The following ZNF697 variants were observed in gnomAD, a reference collection of about 807,000 sequenced individuals.
ZNF697 encodes zinc finger protein 697.
In ZNF697, 23 loss-of-function variants were observed where a neutral mutation model predicts 32.4. The observed-to-expected ratio is 0.71, with a 90% confidence interval of 0.51 to 1.01. The LOEUF (loss-of-function observed/expected upper bound fraction) is 1.01. Among genes scored for constraint, ZNF697 ranks in the 50% least tolerant of loss-of-function variants. The pLI is 0.00. For missense variants in ZNF697, 930 were observed against 794.0 expected (o/e 1.17, Z -2.06); for synonymous variants, 418 against 337.2 (o/e 1.24, Z -2.62).
intron 1 of ZNF697, among the ~76,000 whole-genome samples, chr1:119,634,253 C>T (rs1208495350): frequency 1.3e-5 from 2 of 152,200 alleles, no homozygotes; most frequent in African/African-American, 4.8e-5. Context: ...GGACTTGAGG[C>T]ACACATTCAA....
Position 119,622,865 on chromosome 1 carries a change from T to C in ZNF697, c.1478A>G (p.Tyr493Cys). 1 of 1,610,440 alleles carries C rather than the reference T, an allele frequency of 6.2e-7. No individual in the cohort carries two copies. The highest frequency in any genetic ancestry group is 8.5e-7 in the Non-Finnish European group (1 of 1,178,236). ...HQRTHTGEKP[Y>C]TCIECGKSFI... ...GCTCTTGCCGCACTCGATGCACGTG[T>C]AGGGCTTCTCGCCCGTGTGCGTGCG... The change falls in exon 3 of 3, where the codon TAC (tyrosine) becomes TGC (cysteine). Residue 493 changes from tyrosine to cysteine, a missense_variant. By Grantham distance (194) the Tyr-to-Cys change is radical (BLOSUM62 -2). Transcript: ENST00000421812.
At chr1:119,640,105 A>G (rs1211579721) in intron 1 of ZNF697, among the ~76,000 whole-genome samples, 1 of 152,172 alleles carries the variant, frequency 6.6e-6, no homozygotes, top group African/African-American at 2.4e-5. Flanking sequence ...TTTTAAATAG[A>G]ATCATACTTA....
At chr1:119,630,818 A>AC (rs796470272) in intron 1 of ZNF697, among the ~76,000 whole-genome samples, 36 of 151,742 alleles carry the variant, frequency 2.4e-4, no homozygotes, top group African/African-American at 8.2e-4. Context: ...GCCAAGACTG[A>AC]CCCCACCTTC....
At chr1:119,643,751 C>T (rs1252047989) in intron 1 of ZNF697, among the ~76,000 whole-genome samples, 1 of 152,168 alleles carries the variant, frequency 6.6e-6, no homozygotes, top group Non-Finnish European at 1.5e-5. Context: ...CAATGCCCCA[C>T]CCCACTACCC....
In ZNF697 at chr1:119,648,206, C is replaced by CTGGT. The variant is rs1285773781; in HGVS notation, c.-554_-553insACCA. Reference sequence around the variant, plus strand: ...GGTGGCCCGCTGGCTGGCTGGTTGGCTGGCTGGCTGGCTGGCTGGCTGGCT... The same window carrying CTGGT: ...GGTGGCCCGCTGGCTGGCTGGTTGGCTGGTTGGCTGGCTGGCTGGCTGGCTGGCT... On this transcript the variant is annotated 5_prime_UTR_variant, in exon 1 of 3. Transcript: ENST00000421812. 3.1e-5 allele frequency among the ~76,000 whole-genome samples: 3 copies of CTGGT among 96,528 alleles called. No homozygotes were observed. The highest frequency in any genetic ancestry group is 4.3e-5 in the Non-Finnish European group (2 of 46,702). 63.3% of individuals were successfully genotyped at this position (96,528 alleles called of 152,430 possible).
rs1649262185 is a variant in ZNF697, at chr1:119,647,993, C to T, written c.-340G>A. On this transcript the variant is annotated 5_prime_UTR_variant, in exon 1 of 3. Transcript: ENST00000421812. Reference sequence around the variant, plus strand: ...CACCGCACTCGAACACACACCCCATCCCCGCAGCGGTCGGGTCTGGTCCCG... The same window carrying T: ...CACCGCACTCGAACACACACCCCATTCCCGCAGCGGTCGGGTCTGGTCCCG... Among the ~76,000 whole-genome samples the T allele has an allele frequency of 6.6e-6, 1 of 152,208 alleles. No homozygotes were observed. Among genetic ancestry groups the T allele is most frequent in the Non-Finnish European group, 1.5e-5 (1 of 68,028 alleles).
At chr1:119,643,488 A>G (rs1649132008) in intron 1 of ZNF697, among the ~76,000 whole-genome samples, 1 of 152,220 alleles carries the variant, frequency 6.6e-6, no homozygotes, top group South Asian at 2.1e-4. Context: ...GTGATAGGTG[A>G]AACTCTCTTC....
chr1:119,640,490 T>A (rs587724998), intron 1 of ZNF697, among the ~76,000 whole-genome samples: 2 of 152,280 alleles, frequency 1.3e-5, no homozygotes, highest in Admixed American at 1.3e-4. Flanking sequence ...GGCAGACCAT[T>A]CTCAAAAAAG....
chr1:119,632,285 A>G (rs952005378), intron 1 of ZNF697, among the ~76,000 whole-genome samples: 3 of 152,206 alleles, frequency 2.0e-5, no homozygotes, highest in Non-Finnish European at 4.4e-5. Context: ...TGGCTTGGCC[A>G]GGCACAAACC....
Position 119,623,203 on chromosome 1 carries a change from C to A in ZNF697, c.1140G>T (p.Pro380=), listed in dbSNP as rs12076924. ...NHQRIHTGEK[P]HGCGECGKRF... ...GCTTGCCGCACTCGCCACAGCCGTG[C>A]GGCTTCTCGCCCGTGTGGATGCGCT... Residue 380 remains proline (P), a synonymous_variant, in exon 3 of 3, where the codon CCG becomes CCT. Transcript: ENST00000421812. 1.3e-6 allele frequency: 2 copies of A among 1,579,032 alleles called. No individual in the cohort carries two copies. Among genetic ancestry groups the A allele is most frequent in the Non-Finnish European group, 8.6e-7 (1 of 1,164,348 alleles).
intron 1 of ZNF697, among the ~76,000 whole-genome samples, chr1:119,645,540 G>A (rs1649177860): frequency 6.6e-6 from 1 of 152,166 alleles, no homozygotes; most frequent in African/African-American, 2.4e-5. Flanking sequence ...CAAGCATGGG[G>A]TTCAACCGGA....
chr1:119,633,418 T>A (rs1245742810), intron 1 of ZNF697, among the ~76,000 whole-genome samples: 4 of 149,688 alleles, frequency 2.7e-5, no homozygotes, highest in South Asian at 2.1e-4. Flanking sequence ...AGAGAGAGAT[T>A]GATTTATCAT....
At chr1:119,641,022 T>C (rs1489124878) in intron 1 of ZNF697, among the ~76,000 whole-genome samples, 7 of 152,192 alleles carry the variant, frequency 4.6e-5, no homozygotes, top group Non-Finnish European at 7.3e-5. Flanking sequence ...AGAATTAGGC[T>C]GGGAAACAAA....
At chr1:119,643,330 G>A (rs989950924) in intron 1 of ZNF697, among the ~76,000 whole-genome samples, 4 of 152,146 alleles carry the variant, frequency 2.6e-5, no homozygotes, top group African/African-American at 9.7e-5. Flanking sequence ...GTGATCCCAA[G>A]AACTCTCCTA....
chr1:119,645,293 TTAAGA>T (rs1325959125), intron 1 of ZNF697, among the ~76,000 whole-genome samples: 1 of 151,808 alleles, frequency 6.6e-6, no homozygotes, highest in Non-Finnish European at 1.5e-5. Flanking sequence ...GGCAAGATAA[TTAAGA>T]TTTTTTTTAT....
Position 119,623,162 on chromosome 1 carries a change from G to A in ZNF697, c.1181C>T (p.Ser394Leu). Residue 394 changes from serine to leucine, a missense_variant, in exon 3 of 3, where the codon TCG becomes TTG. Coordinates refer to ENST00000421812, the MANE Select transcript of ZNF697 (RefSeq NM_001080470.2). Reference sequence around the variant, plus strand: ...CACGCGCTGGTGCTTCACCAAGTCCGAGCGCCAGCTGAAGCGCTTGCCGCA... The same window carrying A: ...CACGCGCTGGTGCTTCACCAAGTCCAAGCGCCAGCTGAAGCGCTTGCCGCA... The part of the protein sequence containing the change: ...GECGKRFSWR[S>L]DLVKHQRVHT... The A allele has an allele frequency of 6.3e-7, 1 of 1,585,162 alleles. No individual in the cohort carries two copies. The highest frequency in any genetic ancestry group is 2.3e-5 in the East Asian group (1 of 43,346).
At chr1:119,637,965 C>CAGAGAG (rs140514064) in intron 1 of ZNF697, among the ~76,000 whole-genome samples, 2 of 148,170 alleles carry the variant, frequency 1.3e-5, no homozygotes, top group East Asian at 3.9e-4. Flanking sequence ...GAGAAAGAGA[C>CAGAGAG]AGAGAGAGAG....
chr1:119,633,356 A>ATGTG (rs58387828), intron 1 of ZNF697, among the ~76,000 whole-genome samples: 9,367 of 143,182 alleles, frequency 0.065, 380 homozygotes, highest in African/African-American at 0.11. Flanking sequence ...AACCAATAGG[A>ATGTG]TGTGTGTGTG....
chr1:119,634,758 C>T (rs1455925581), intron 1 of ZNF697, among the ~76,000 whole-genome samples: 1 of 152,118 alleles, frequency 6.6e-6, no homozygotes, highest in Admixed American at 6.5e-5. Flanking sequence ...CAATATCAAC[C>T]AACCCCAATA....
Sources: allele counts gnomAD v4.1 joint callset (sites outside exome capture counted in the v4.1 genomes callset), GRCh38; gene constraint gnomAD v4.1.1; transcripts MANE v1.5; gene names NCBI Gene and HGNC (gene_info 2026-07-23, HGNC 2026-07-21).